The following LIN37 variants were observed in gnomAD, a reference collection of about 807,000 sequenced individuals.
The protein encoded by LIN37 is lin-37 DREAM MuvB core complex component.
A neutral mutation model predicts 38.0 loss-of-function variants in LIN37; 21 were observed. The ratio of observed to expected loss-of-function variants is 0.55; its 90% CI spans 0.39 to 0.80. The LOEUF (loss-of-function observed/expected upper bound fraction) is 0.80. LIN37 is among the 30% of genes least tolerant of loss of function. The pLI is 0.00. For synonymous variants in LIN37, 126 were observed against 122.9 expected, an observed-to-expected ratio of 1.03 and a Z score of -0.17; for missense variants, 273 against 338.5, an observed-to-expected ratio of 0.81 and a Z score of 1.52.
Position 35,752,199 on chromosome 19 carries a change from A to G in LIN37, c.58A>G (p.Asn20Asp). 6 of 1,605,392 alleles carry G rather than the reference A, an allele frequency of 3.7e-6. No homozygotes were observed. Among genetic ancestry groups the G allele is most frequent in the Non-Finnish European group, 5.1e-6 (6 of 1,176,110 alleles). The change falls in exon 2 of 9, where the codon AAC (asparagine) becomes GAC (aspartate). Residue 20 changes from asparagine (N) to aspartate (D), a missense_variant. By Grantham distance (23) the Asn-to-Asp change is conservative. Transcript: ENST00000301159. ...AGAGCTGGAGATGGCCAAAGCCCGG[A>G]ACCAACTGGATGCTGTCTTGCAGTG... Reference protein sequence around the residue: ...KSELEMAKARNQLDAVLQCLL... With the variant: ...KSELEMAKARDQLDAVLQCLL...
At chr19:35,752,352 G>A in intron 2 of LIN37, 82 bp from the exon 3 acceptor site, 1 of 1,582,774 alleles carries the variant, frequency 6.3e-7, no homozygotes, top group Non-Finnish European at 8.7e-7. Flanking sequence ...TGGGGAGGAA[G>A]GTGCTTAATG....
chr19:35,753,909 A>G, intron 6 of LIN37, 108 bp from the exon 7 acceptor site: 3 of 1,297,244 alleles, frequency 2.3e-6, no homozygotes, highest in Non-Finnish European at 3.3e-6. Context: ...TCCCTTAGCG[A>G]GCCCCTCATG....
intron 3 of LIN37, 132 bp from the exon 4 acceptor site, chr19:35,752,672 G>T (rs939820224): frequency 2.2e-6 from 3 of 1,348,910 alleles, no homozygotes; most frequent in Admixed American, 2.0e-5. Context: ...CATGGGTATG[G>T]GTGGGACAAA....
chr19:35,748,839 A>G (rs2146523824), intron 1 of LIN37, 81 bp downstream of exon 1: 2 of 1,610,088 alleles, frequency 1.2e-6, no homozygotes, highest in South Asian at 2.2e-5. Flanking sequence ...AGTATCGCGG[A>G]AAGGGGACTG....
At chr19:35,749,891 A>ACTCAG (rs1970658748) in intron 1 of LIN37, among the ~76,000 whole-genome samples, 1 of 152,030 alleles carries the variant, frequency 6.6e-6, no homozygotes, top group Non-Finnish European at 1.5e-5. Context: ...GAAGGTGTAC[A>ACTCAG]CCTGTGAGTG....
rs368333921 is a variant in LIN37, at chr19:35,753,026, C to T, written c.277+27C>T. ...TGAGTAGACAGTGGCCCTAGAGGGT[C>T]GGTAAGGAGCCAAGGGCCTATGCAA... On this transcript the variant is annotated intron_variant, in intron 5 of 8. Coordinates refer to ENST00000301159, the MANE Select transcript of LIN37 (RefSeq NM_019104.3). 524 of 1,570,966 alleles carry T rather than the reference C, an allele frequency of 3.3e-4. 1 individual carries two copies. The highest frequency in any genetic ancestry group is 2.3e-3 in the Middle Eastern group (14 of 5,988).
rs993827811 is a variant in LIN37 at position 35,753,922 on chromosome 19, A to G, written c.445-95A>G. 30 of 1,437,476 alleles carry G rather than the reference A, an allele frequency of 2.1e-5. No homozygotes were observed. In the Middle Eastern group the frequency reaches 7.5e-4, roughly 36 times the overall value. 89.0% of individuals were successfully genotyped at this position (1,437,476 alleles called of 1,614,324 possible). On this transcript the variant is annotated intron_variant, in intron 6 of 8. Coordinates refer to ENST00000301159, the MANE Select transcript of LIN37 (RefSeq NM_019104.3). ...AGTCCCTTAGCGAGCCCCTCATGCC[A>G]TTTGTTGCTGGGAAAGGCAGGAGGG...
In LIN37 at chr19:35,752,799, C is replaced by T. The variant is rs1970696628; in HGVS notation, c.162-5C>T. The T allele has an allele frequency of 6.2e-7, 1 of 1,609,330 alleles. No homozygotes were observed. Among genetic ancestry groups the T allele is most frequent in the African/African-American group, 1.3e-5 (1 of 74,914 alleles). ...TGTCTGAGGGTCAACTGTCTTTCCC[C>T]ACAGGGACTGCTCCATCGCAGCCAC... is the stretch of plus-strand genomic sequence containing the variant. On this transcript the variant is annotated splice_region_variant and splice_polypyrimidine_tract_variant and intron_variant, in intron 3 of 8. Coordinates refer to ENST00000301159, the MANE Select transcript of LIN37 (RefSeq NM_019104.3).
intron 1 of LIN37, 139 bp downstream of exon 1, chr19:35,748,897 G>A: frequency 3.2e-6 from 5 of 1,573,976 alleles, no homozygotes; most frequent in Non-Finnish European, 3.5e-6. Flanking sequence ...ATCAGGCAGC[G>A]AGCGTTGCCT....
chr19:35,753,130 C>T lies in LIN37; in HGVS notation c.321C>T (p.Ala107=), dbSNP rs1424287535. The T allele has an allele frequency of 1.2e-6, 2 of 1,603,810 alleles. No homozygotes were observed. Among genetic ancestry groups the T allele is most frequent in the African/African-American group, 1.3e-5 (1 of 74,686 alleles). ...IKLFDRSVDL[A]QFSENTPLYP... is the part of the protein sequence containing the mutation. ...TGTTCGACCGGAGCGTGGACTTGGCCCAGTTCAGCGAGAACACGCCACTGT... is the reference window on the plus strand; with the variant it reads ...TGTTCGACCGGAGCGTGGACTTGGCTCAGTTCAGCGAGAACACGCCACTGT... The change falls in exon 6 of 9, where the codon GCC becomes GCT. Residue 107 remains alanine (A), a synonymous_variant. Coordinates refer to ENST00000301159, the MANE Select transcript of LIN37 (RefSeq NM_019104.3).
chr19:35,752,769 G>T, intron 3 of LIN37, 35 bp from the exon 4 acceptor site: 1 of 1,605,172 alleles, frequency 6.2e-7, no homozygotes, highest in African/African-American at 1.3e-5. Context: ...TTTTGCACAG[G>T]CGTTTGTCTG....
chr19:35,748,589 GACACA>G lies in LIN37; in HGVS notation c.-133_-129del. ...AGGGTGGTGGCCACGGTCCAGGCTG[GACACA>G]ACCAAAGGCGGAGGACCCGTGGCCC... On this transcript the variant is annotated 5_prime_UTR_variant, in exon 1 of 9. Coordinates refer to ENST00000301159, the MANE Select transcript of LIN37 (RefSeq NM_019104.3). The G allele has an allele frequency of 4.1e-6, 5 of 1,228,178 alleles. No homozygotes were observed. Among genetic ancestry groups the G allele is most frequent in the Non-Finnish European group, 6.0e-6 (5 of 833,528 alleles). 76.1% of individuals were successfully genotyped at this position (1,228,178 alleles called of 1,614,324 possible).
chr19:35,754,151 C>T lies in LIN37; in HGVS notation c.579C>T (p.Asp193=), dbSNP rs773676708. 18 of 1,613,870 alleles carry T rather than the reference C, an allele frequency of 1.1e-5. No homozygotes were observed. Among genetic ancestry groups the T allele is most frequent in the Admixed American group, 3.3e-5 (2 of 60,006 alleles). Reference sequence around the variant, plus strand: ...AGCCTGAGATGCAGGGCACCCCTGACGATGAGGTGAGTATGCCAGGCTGGC... The same window carrying T: ...AGCCTGAGATGCAGGGCACCCCTGATGATGAGGTGAGTATGCCAGGCTGGC... ...PLQPEMQGTP[D]DEPSEPEPSP... The change falls in exon 7 of 9, where the codon GAC becomes GAT. Residue 193 remains aspartate, a synonymous_variant. Transcript: ENST00000301159.
At chr19:35,749,328 T>C (rs1044938510) in intron 1 of LIN37, among the ~76,000 whole-genome samples, 4 of 152,008 alleles carry the variant, frequency 2.6e-5, no homozygotes, top group African/African-American at 9.7e-5. Context: ...TCCTAGAAAA[T>C]AGGAACTGTG....
Position 35,753,256 on chromosome 19 carries a change from G to A in LIN37, c.444+3G>A. The A allele has an allele frequency of 6.5e-7, 1 of 1,546,382 alleles. No individual in the cohort carries two copies. Among genetic ancestry groups the A allele is most frequent in the Non-Finnish European group, 8.7e-7 (1 of 1,147,338 alleles). ...CCCCGCTGCCTGAGGATGAGGAGGTGGGATGGGTAGTGGGTCCCAGCCCAG... is the reference window on the plus strand; with the variant it reads ...CCCCGCTGCCTGAGGATGAGGAGGTAGGATGGGTAGTGGGTCCCAGCCCAG... On this transcript the variant is annotated splice_donor_region_variant and intron_variant, in intron 6 of 8. Coordinates refer to ENST00000301159, the MANE Select transcript of LIN37 (RefSeq NM_019104.3).
At chr19:35,751,902 T>C (rs1213355266) in intron 1 of LIN37, 1 of 242,756 alleles carries the variant, frequency 4.1e-6, no homozygotes, top group Non-Finnish European at 8.2e-6. Context: ...ATTTATATTA[T>C]ATTAAAACAC....
At chr19:35,752,350 A>T in intron 2 of LIN37, 84 bp from the exon 3 acceptor site, 3 of 1,582,236 alleles carry the variant, frequency 1.9e-6, no homozygotes, top group Non-Finnish European at 2.6e-6. Flanking sequence ...CTTGGGGAGG[A>T]AGGTGCTTAA....
chr19:35,752,499 T>C lies in LIN37; in HGVS notation c.161+15T>C, dbSNP rs776796661. On this transcript the variant is annotated intron_variant, in intron 3 of 8. Coordinates refer to ENST00000301159, the MANE Select transcript of LIN37 (RefSeq NM_019104.3). ...ACCCACAATAAGTGAGTTTTTCTGA[T>C]TGGATTTGGAGTTGAGAGTTCGTGG... The C allele has an allele frequency of 2.5e-6, 4 of 1,613,786 alleles. No individual in the cohort carries two copies. The East Asian group carries it at 6.7e-5, about 27-fold the overall frequency.
intron 3 of LIN37, 91 bp from the exon 4 acceptor site, chr19:35,752,713 G>T (rs983196099): frequency 5.3e-6 from 8 of 1,511,008 alleles, no homozygotes; most frequent in Non-Finnish European, 6.3e-6. Context: ...GTTCATGTGA[G>T]CATCTCAGGT....
Sources: gnomAD v4.1 joint callset for allele counts (sites outside exome capture counted in the v4.1 genomes callset) on GRCh38, gnomAD v4.1.1 for gene constraint, MANE v1.5 for transcripts, NCBI Gene and HGNC (gene_info 2026-07-23, HGNC 2026-07-21) for gene names.